ABCG2: variants seen among roughly 807,000 people sequenced by gnomAD.
The protein encoded by ABCG2 is broad substrate specificity ATP-binding cassette transporter ABCG2.
ABCG2 carries 80 observed loss-of-function variants against 73.5 expected under a neutral mutation model. That is an observed-to-expected ratio of 1.09 (90% confidence interval 0.91 to 1.31). The LOEUF (loss-of-function observed/expected upper bound fraction) is 1.31. Among genes scored for constraint, ABCG2 ranks in the 50% most tolerant of loss-of-function variants. ABCG2 has a pLI of 0.00. For missense variants in ABCG2, 796 were observed against 786.2 expected, an observed-to-expected ratio of 1.01 and a Z score of -0.15; for synonymous variants, 269 against 282.4, an observed-to-expected ratio of 0.95 and a Z score of 0.48.
intron 1 of ABCG2, among the ~76,000 whole-genome samples, chr4:88,207,982 T>C (rs543392185): frequency 6.6e-6 from 1 of 152,344 alleles, no homozygotes; most frequent in East Asian, 1.9e-4. Flanking sequence ...ACTCTGCTTT[T>C]TCTTAGGGCT....
intron 1 of ABCG2, among the ~76,000 whole-genome samples, chr4:88,186,266 G>C (rs1728452008): frequency 6.6e-6 from 1 of 152,212 alleles, no homozygotes; most frequent in Admixed American, 6.5e-5. Context: ...GGCACAGAAA[G>C]ACAAACTTCT....
chr4:88,223,474 A>T (rs1393588193), intron 1 of ABCG2, among the ~76,000 whole-genome samples: 1 of 151,686 alleles, frequency 6.6e-6, no homozygotes, highest in East Asian at 1.9e-4. Flanking sequence ...GGGCCTTTCC[A>T]CCCCCTCACT....
intron 1 of ABCG2, among the ~76,000 whole-genome samples, chr4:88,217,306 G>A (rs1038037220): frequency 6.6e-5 from 10 of 152,282 alleles, no homozygotes; most frequent in African/African-American, 2.4e-4. Flanking sequence ...GCAAGGTTGG[G>A]ATGTTGTCCT....
rs1327367671 is a variant in ABCG2 at position 88,101,464 on chromosome 4, C to T, written c.1278-145G>A. The T allele has an allele frequency of 1.1e-5, 8 of 698,416 alleles. 1 individual carries two copies. Among genetic ancestry groups the T allele is most frequent in the East Asian group, 5.4e-5 (2 of 36,856 alleles). The allele number at this position is 698,416 out of a possible 1,614,324, so 43.3% of individuals were successfully genotyped here. On this transcript the variant is annotated intron_variant, in intron 10 of 15. Coordinates refer to ENST00000237612, the MANE Select transcript of ABCG2 (RefSeq NM_004827.3). ...AACTGTTCTGGTTGGAACAGGGAAG[C>T]GTGAACCCCATCAAGCCTCTCCCCA...
chr4:88,181,592 G>A (rs111800277), intron 1 of ABCG2, among the ~76,000 whole-genome samples: 7,014 of 151,964 alleles, frequency 0.046, 217 homozygotes, highest in South Asian at 0.072. Context: ...ATAGCCTGGC[G>A]TGGTGGTGCA....
At position 88,181,398 on chromosome 4, in the gene ABCG2, C is replaced by CAAAAAAAA. The variant is rs57417105; in HGVS notation, c.-19-41392_-19-41385dup. On this transcript the variant is annotated intron_variant, in intron 1 of 15. Transcript: ENST00000515655. Reference sequence around the variant, plus strand: ...CTGGTGACAGAGCAAGACTCCATCTCAAAAAAAAAAAAAAAAAAAAAAAAA... The same window carrying CAAAAAAAA: ...CTGGTGACAGAGCAAGACTCCATCTCAAAAAAAAAAAAAAAAAAAAAAAAAAAAAAAAA... 1.9e-3 allele frequency among the ~76,000 whole-genome samples: 188 copies of CAAAAAAAA among 96,828 alleles called. 1 individual carries two copies. Among genetic ancestry groups the CAAAAAAAA allele is most frequent in the African/African-American group, 2.7e-3 (56 of 20,376 alleles). 63.5% of individuals were successfully genotyped at this position (96,828 alleles called of 152,430 possible).
At chr4:88,213,759 T>G (rs1290142817) in intron 1 of ABCG2, among the ~76,000 whole-genome samples, 1 of 151,878 alleles carries the variant, frequency 6.6e-6, no homozygotes, top group East Asian at 1.9e-4. Context: ...CTTGGCTCAC[T>G]TCAACCTCCG....
In ABCG2 at chr4:88,111,766, T is replaced by C. The variant is rs151257003; in HGVS notation, c.1194+1537A>G. Among the ~76,000 whole-genome samples the C allele has an allele frequency of 1.2e-4, 18 of 151,936 alleles. No homozygotes were observed. The East Asian group carries it at 3.5e-3, about 29-fold the overall frequency. ...GAAGAATGGACCAATGAACTGGGAGTACTAATGTTTTGGGTGACAGAGGGG... is the reference window on the plus strand; with the variant it reads ...GAAGAATGGACCAATGAACTGGGAGCACTAATGTTTTGGGTGACAGAGGGG... On this transcript the variant is annotated intron_variant, in intron 9 of 15. Transcript: ENST00000237612.
intron 1 of ABCG2, among the ~76,000 whole-genome samples, chr4:88,143,321 A>G (rs888943366): frequency 5.3e-5 from 8 of 152,186 alleles, no homozygotes; most frequent in Non-Finnish European, 1.0e-4. Flanking sequence ...AAATACACCA[A>G]TTCCAACACT....
At chr4:88,177,818 C>G (rs1728071800) in intron 1 of ABCG2, among the ~76,000 whole-genome samples, 1 of 152,110 alleles carries the variant, frequency 6.6e-6, no homozygotes, top group African/African-American at 2.4e-5. Context: ...CAGTGCTGCC[C>G]TGTCTCAGTG....
intron 1 of ABCG2, among the ~76,000 whole-genome samples, chr4:88,201,157 C>G (rs1295312242): frequency 7.1e-6 from 1 of 140,162 alleles, no homozygotes; most frequent in East Asian, 2.0e-4. Flanking sequence ...AAACAAAAGC[C>G]GGTTATTTGA....
Position 88,186,711 on chromosome 4 carries a change from A to T in ABCG2, c.-20+44283T>A, listed in dbSNP as rs1001345380. Among the ~76,000 whole-genome samples, 17 of 151,502 alleles carry T rather than the reference A, an allele frequency of 1.1e-4. No individual in the cohort carries two copies. The South Asian group carries it at 3.4e-3, about 30-fold the overall frequency. On this transcript the variant is annotated intron_variant, in intron 1 of 15. Transcript: ENST00000515655. ...GAGGCGGGCGGATCACGAGGTCAGG[A>T]GATCGAGACCATCCCGGCTAAAACG...
intron 1 of ABCG2, among the ~76,000 whole-genome samples, chr4:88,177,484 A>C (rs1728051338): frequency 6.6e-6 from 1 of 152,246 alleles, no homozygotes; most frequent in African/African-American, 2.4e-5. Flanking sequence ...ATGTAATAAA[A>C]ACTAAGCGGG....
chr4:88,152,696 A>G (rs182624789), intron 1 of ABCG2, among the ~76,000 whole-genome samples: 6,952 of 152,250 alleles, frequency 0.046, 193 homozygotes, highest in Middle Eastern at 0.068. Context: ...CACAGGGGAT[A>G]TGATGGCTTA....
chr4:88,097,377 C>A, intron 13 of ABCG2, 76 bp downstream of exon 13: 1 of 1,545,938 alleles, frequency 6.5e-7, no homozygotes, highest in South Asian at 1.2e-5. Context: ...ACAGGTTTTA[C>A]ATGACAAGTG....
chr4:88,106,143 T>C (rs1303996775), intron 10 of ABCG2, among the ~76,000 whole-genome samples: 1 of 152,052 alleles, frequency 6.6e-6, no homozygotes, highest in Non-Finnish European at 1.5e-5. Flanking sequence ...GTTTTTTTTG[T>C]TTGTTTTTTT....
intron 5 of ABCG2, among the ~76,000 whole-genome samples, chr4:88,123,252 T>C (rs1443108941): frequency 6.6e-6 from 1 of 152,010 alleles, no homozygotes; most frequent in East Asian, 1.9e-4. Context: ...GAATGCCTCT[T>C]CTCCTCCAAA....
intron 11 of ABCG2, among the ~76,000 whole-genome samples, chr4:88,099,781 C>T (rs770463670): frequency 7.2e-5 from 11 of 152,154 alleles, no homozygotes; most frequent in Admixed American, 1.3e-4. Context: ...CCTTCTTTGA[C>T]GGGGGCTTTC....
At chr4:88,224,154 C>G (rs1029280114) in intron 1 of ABCG2, among the ~76,000 whole-genome samples, 1 of 152,154 alleles carries the variant, frequency 6.6e-6, no homozygotes, top group Non-Finnish European at 1.5e-5. Flanking sequence ...TTTTAACTCT[C>G]TTGAAAGTGT....
Sources: allele counts gnomAD v4.1 joint callset (sites outside exome capture counted in the v4.1 genomes callset), GRCh38; gene constraint gnomAD v4.1.1; transcripts MANE v1.5; gene names NCBI Gene and HGNC (gene_info 2026-07-23, HGNC 2026-07-21).